Variants in DAB1 observed in about 807,000 individuals in gnomAD.
The protein encoded by DAB1 is disabled homolog 1.
In DAB1, 15 loss-of-function variants were observed where a neutral mutation model predicts 64.6. That is an observed-to-expected ratio of 0.23 (90% CI 0.16 to 0.36). The LOEUF is 0.36. Among genes scored for constraint, DAB1 ranks in the 10% least tolerant of loss-of-function variants. The pLI is 1.00. For synonymous variants in DAB1, 235 were observed against 251.9 expected (o/e 0.93, Z 0.64); for missense variants, 596 against 706.7 (o/e 0.84, Z 1.78).
At chr1:58,455,007 A>G (rs1265159219) in intron 3 of DAB1, among the ~76,000 whole-genome samples, 48 of 152,264 alleles carry the variant, frequency 3.2e-4, no homozygotes. Flanking sequence ...CCAGCTCATG[A>G]GCTCTTTAAA....
At chr1:57,317,031 G>A (rs367734835) in intron 1 of DAB1, among the ~76,000 whole-genome samples, 5 of 152,198 alleles carry the variant, frequency 3.3e-5, no homozygotes, top group African/African-American at 4.8e-5. Context: ...GAAAGACCCC[G>A]ACTTTCATCT....
intron 7 of DAB1, among the ~76,000 whole-genome samples, chr1:57,616,762 A>G (rs1645794922): frequency 6.6e-6 from 1 of 152,170 alleles, no homozygotes; most frequent in Non-Finnish European, 1.5e-5. Context: ...GAATTGCTCA[A>G]TAGAAAAGTG....
intron 3 of DAB1, among the ~76,000 whole-genome samples, chr1:58,425,141 G>T (rs1209095829): frequency 6.6e-6 from 1 of 152,204 alleles, no homozygotes; most frequent in African/African-American, 2.4e-5. Context: ...ATTAATTCAT[G>T]AAGAGATAGA....
In DAB1 at chr1:57,677,354, A is replaced by G. The variant is rs531816599; in HGVS notation, n.552-27689T>C. On this transcript the variant is annotated intron_variant and non_coding_transcript_variant, in intron 6 of 20. Transcript: ENST00000485760. ...TACATTAAGTCCTTCAGTGACCCTA[A>G]CACCTGAGTAGTAGGCATCATCCCC... is the stretch of plus-strand genomic sequence containing the variant. Among the ~76,000 whole-genome samples, 4 of 152,310 alleles carry G rather than the reference A, an allele frequency of 2.6e-5. No individual in the cohort carries two copies. In the South Asian group the frequency reaches 8.3e-4, roughly 32 times the overall value.
At chr1:58,418,464 A>G (rs1644742640) in intron 3 of DAB1, among the ~76,000 whole-genome samples, 2 of 152,214 alleles carry the variant, frequency 1.3e-5, no homozygotes, top group Admixed American at 1.3e-4. Context: ...GGCTTTGAGA[A>G]TCAGTTATAC....
At chr1:58,445,982 T>C (rs1184295609) in intron 3 of DAB1, among the ~76,000 whole-genome samples, 4 of 152,170 alleles carry the variant, frequency 2.6e-5, no homozygotes, top group African/African-American at 9.7e-5. Flanking sequence ...TAAGCAACCA[T>C]TCTGATTTGC....
At chr1:57,188,723 C>T (rs891067147) in intron 2 of DAB1, among the ~76,000 whole-genome samples, 7 of 152,090 alleles carry the variant, frequency 4.6e-5, no homozygotes, top group African/African-American at 1.7e-4. Context: ...AAAAATTGTT[C>T]CATTAATCAG....
intron 7 of DAB1, among the ~76,000 whole-genome samples, chr1:57,547,935 A>C (rs1644873393): frequency 6.6e-6 from 1 of 152,204 alleles, no homozygotes; most frequent in African/African-American, 2.4e-5. Context: ...TTGTTCTTCC[A>C]GTATAGTGGC....
At chr1:57,469,968 T>C (rs1687084166) in intron 7 of DAB1, among the ~76,000 whole-genome samples, 1 of 152,230 alleles carries the variant, frequency 6.6e-6, no homozygotes, top group Non-Finnish European at 1.5e-5. Context: ...TATTATTTCA[T>C]ATAACACCTA....
chr1:57,062,070 T>G (rs1650451694), intron 9 of DAB1, among the ~76,000 whole-genome samples: 1 of 152,192 alleles, frequency 6.6e-6, no homozygotes, highest in Non-Finnish European at 1.5e-5. Context: ...AGAGGTTGCC[T>G]TCTGCATGCC....
intron 1 of DAB1, among the ~76,000 whole-genome samples, chr1:57,306,520 T>A (rs1344438697): frequency 1.1e-4 from 16 of 144,228 alleles, no homozygotes; most frequent in Admixed American, 1.0e-3. Flanking sequence ...AGGCTTTTTT[T>A]TTTTTTTTTT....
At chr1:57,171,701 G>A (rs1340364851) in intron 2 of DAB1, among the ~76,000 whole-genome samples, 1 of 152,134 alleles carries the variant, frequency 6.6e-6, no homozygotes, top group South Asian at 2.1e-4. Flanking sequence ...GCTCTTCTAT[G>A]TTCTCCGTAG....
At position 57,639,168 on chromosome 1, in the gene DAB1, A is replaced by C. The variant is rs529530171; in HGVS notation, n.625+10424T>G. 1.7e-3 allele frequency among the ~76,000 whole-genome samples: 177 copies of C among 106,440 alleles called. 15 individuals are homozygous for C. The highest frequency in any genetic ancestry group is 6.0e-3 in the African/African-American group (166 of 27,632). The allele number at this position is 106,440 out of a possible 152,430, so 69.8% of individuals were successfully genotyped here. On this transcript the variant is annotated intron_variant and non_coding_transcript_variant, in intron 7 of 20. Coordinates refer to the DAB1 transcript ENST00000485760. ...AACTTTATAAAGTTCTTCATAAAGA[A>C]CTTTAGTAAATAACTTTATAAAGTT... is the stretch of plus-strand genomic sequence containing the variant.
At chr1:57,798,747 C>T (rs1287992148) in intron 6 of DAB1, among the ~76,000 whole-genome samples, 1 of 152,158 alleles carries the variant, frequency 6.6e-6, no homozygotes, top group Non-Finnish European at 1.5e-5. Context: ...TTCAAAGCAG[C>T]ATTTCTTCCA....
chr1:57,063,486 G>T (rs914159138), intron 8 of DAB1, among the ~76,000 whole-genome samples: 5 of 152,172 alleles, frequency 3.3e-5, no homozygotes, highest in Non-Finnish European at 5.9e-5. Flanking sequence ...CCCACGAGTG[G>T]TATGGAAAGT....
chr1:57,746,269 C>T (rs2406278), intron 6 of DAB1, among the ~76,000 whole-genome samples: 1 of 151,842 alleles, frequency 6.6e-6, no homozygotes, highest in South Asian at 2.1e-4. Context: ...GAATGCATAT[C>T]CTCAGAGAGC....
At chr1:58,067,482 T>C (rs1407056631) in intron 5 of DAB1, among the ~76,000 whole-genome samples, 1 of 152,240 alleles carries the variant, frequency 6.6e-6, no homozygotes, top group Non-Finnish European at 1.5e-5. Context: ...GTAAAACACC[T>C]ACCACAGATT....
chr1:57,215,622 G>A (rs1360815830), intron 2 of DAB1, among the ~76,000 whole-genome samples: 5 of 152,142 alleles, frequency 3.3e-5, no homozygotes, highest in Non-Finnish European at 5.9e-5. Context: ...CAGCTCTGAC[G>A]ATCTTTAATA....
At chr1:58,406,444 A>C (rs1288100519) in intron 3 of DAB1, among the ~76,000 whole-genome samples, 1 of 152,252 alleles carries the variant, frequency 6.6e-6, no homozygotes, top group African/African-American at 2.4e-5. Context: ...TCCCTGCTTA[A>C]CGAGGACATG....
Sources: allele counts gnomAD v4.1 joint callset (sites outside exome capture counted in the v4.1 genomes callset), GRCh38; gene constraint gnomAD v4.1.1; transcripts MANE v1.5; gene names NCBI Gene and HGNC (gene_info 2026-07-23, HGNC 2026-07-21).